KCNK2: variants seen among roughly 807,000 people sequenced by gnomAD.
KCNK2 encodes potassium channel subfamily K member 2.
Under a neutral mutation model 40.5 loss-of-function variants are expected in KCNK2, and 21 were observed. The ratio of observed to expected loss-of-function variants is 0.52; its 90% CI spans 0.37 to 0.75. The LOEUF (loss-of-function observed/expected upper bound fraction) is 0.75, where lower values mean the gene tolerates loss of function less well. Among genes scored for constraint, KCNK2 ranks in the 30% least tolerant of loss-of-function variants. KCNK2 has a pLI of 0.00. For missense variants in KCNK2, 399 were observed against 531.6 expected (o/e 0.75, Z 2.45); for synonymous variants, 191 against 202.2 (o/e 0.94, Z 0.47).
intron 5 of KCNK2, among the ~76,000 whole-genome samples, chr1:215,173,938 G>C (rs1663835424): frequency 6.6e-6 from 1 of 152,092 alleles, no homozygotes; most frequent in South Asian, 2.1e-4. Flanking sequence ...CACTCTGATG[G>C]TAGTTTCTTT....
chr1:215,152,214 GC>G (rs11339709), intron 3 of KCNK2, among the ~76,000 whole-genome samples: 100,678 of 151,940 alleles, frequency 0.66, 35,102 homozygotes, highest in Non-Finnish European at 0.77. Flanking sequence ...GAGCCGTGTG[GC>G]CTCTGAGTAG....
At chr1:215,028,163 G>A (rs1027874081) in intron 1 of KCNK2, among the ~76,000 whole-genome samples, 1 of 152,132 alleles carries the variant, frequency 6.6e-6, no homozygotes, top group Non-Finnish European at 1.5e-5. Context: ...AAGGTGGGTG[G>A]ATCACCTGAG....
At chr1:215,232,781 T>G (rs1450100670) in intron 6 of KCNK2, among the ~76,000 whole-genome samples, 1 of 152,210 alleles carries the variant, frequency 6.6e-6, no homozygotes, top group Non-Finnish European at 1.5e-5. Flanking sequence ...CTTCTGTTCA[T>G]GAAAGACTGG....
At chr1:215,094,700 TG>T (rs1432071941) in intron 2 of KCNK2, among the ~76,000 whole-genome samples, 1 of 152,094 alleles carries the variant, frequency 6.6e-6, no homozygotes, top group Non-Finnish European at 1.5e-5. Flanking sequence ...TTATAAAACA[TG>T]AAAGTAGTCT....
At chr1:215,093,431 C>A (rs1481822508) in intron 2 of KCNK2, among the ~76,000 whole-genome samples, 1 of 123,084 alleles carries the variant, frequency 8.1e-6, no homozygotes, top group Non-Finnish European at 1.6e-5. Context: ...ATATTATGTA[C>A]ATATAATATA....
chr1:215,023,482 A>G (rs1299466152), intron 1 of KCNK2, among the ~76,000 whole-genome samples: 3 of 152,200 alleles, frequency 2.0e-5, no homozygotes, highest in Non-Finnish European at 4.4e-5. Flanking sequence ...AATTACATTA[A>G]AGCAGTTACA....
chr1:215,197,997 T>TCAAA (rs60003108), intron 6 of KCNK2, among the ~76,000 whole-genome samples: 19 of 151,130 alleles, frequency 1.3e-4, no homozygotes, highest in African/African-American at 4.4e-4. Flanking sequence ...AGACTTTGTC[T>TCAAA]CAAACAAACA....
intron 1 of KCNK2, among the ~76,000 whole-genome samples, chr1:215,024,164 A>G (rs543423979): frequency 2.0e-5 from 3 of 152,306 alleles, no homozygotes; most frequent in East Asian, 3.9e-4. Context: ...CTGCACTGAC[A>G]CCTGACACCC....
At chr1:215,102,386 A>T (rs2102552153) in intron 2 of KCNK2, among the ~76,000 whole-genome samples, 1 of 152,176 alleles carries the variant, frequency 6.6e-6, no homozygotes, top group South Asian at 2.1e-4. Flanking sequence ...GAATAAGGAT[A>T]TAAGGAAAGA....
intron 5 of KCNK2, among the ~76,000 whole-genome samples, chr1:215,194,227 A>T (rs1664777595): frequency 6.6e-6 from 1 of 152,174 alleles, no homozygotes; most frequent in Non-Finnish European, 1.5e-5. Flanking sequence ...AGGTACAGTT[A>T]TTGTTCCAAG....
intron 5 of KCNK2, among the ~76,000 whole-genome samples, chr1:215,172,676 A>G (rs1366810508): frequency 1.3e-5 from 2 of 151,918 alleles, no homozygotes; most frequent in Non-Finnish European, 2.9e-5. Flanking sequence ...TTTATTTTTG[A>G]GATAGAGTCT....
At chr1:215,127,605 G>C (rs1203400274) in intron 3 of KCNK2, among the ~76,000 whole-genome samples, 1 of 152,138 alleles carries the variant, frequency 6.6e-6, no homozygotes, top group Admixed American at 6.6e-5. Flanking sequence ...CATGCCAGCA[G>C]CATTGCAGAA....
chr1:215,068,522 A>G (rs1658637469), intron 1 of KCNK2, among the ~76,000 whole-genome samples: 1 of 152,232 alleles, frequency 6.6e-6, no homozygotes, highest in South Asian at 2.1e-4. Context: ...TTCACTCAAC[A>G]AAAAGACACC....
intron 1 of KCNK2, among the ~76,000 whole-genome samples, chr1:215,040,808 A>G (rs1271945213): frequency 6.6e-6 from 1 of 152,162 alleles, no homozygotes; most frequent in African/African-American, 2.4e-5. Flanking sequence ...AGACATGTCA[A>G]ATTCTGAAGA....
intron 2 of KCNK2, among the ~76,000 whole-genome samples, chr1:215,096,022 C>G (rs1420857464): frequency 1.3e-5 from 2 of 152,064 alleles, no homozygotes; most frequent in Non-Finnish European, 2.9e-5. Context: ...GTTGCAAAGA[C>G]ACACTAAATT....
intron 6 of KCNK2, among the ~76,000 whole-genome samples, chr1:215,218,756 G>T (rs1666054517): frequency 6.6e-6 from 1 of 151,890 alleles, no homozygotes. Context: ...TTCAAATTTT[G>T]TAAATTATTA....
chr1:215,150,699 T>A (rs1273538354), intron 3 of KCNK2, among the ~76,000 whole-genome samples: 1 of 152,074 alleles, frequency 6.6e-6, no homozygotes, highest in Non-Finnish European at 1.5e-5. Flanking sequence ...TTTTCCATAT[T>A]TTAATCATGC....
chr1:215,224,902 T>A (rs1177658301), intron 6 of KCNK2, among the ~76,000 whole-genome samples: 2 of 152,146 alleles, frequency 1.3e-5, no homozygotes, highest in Non-Finnish European at 2.9e-5. Flanking sequence ...GAGAAATTCC[T>A]AGGGGCAATT....
chr1:215,114,535 G>A (rs1328503324), intron 2 of KCNK2, among the ~76,000 whole-genome samples: 2 of 152,166 alleles, frequency 1.3e-5, no homozygotes, highest in African/African-American at 2.4e-5. Context: ...TATAACTGGT[G>A]AGTGTATGGG....
Sources: allele counts gnomAD v4.1 joint callset (sites outside exome capture counted in the v4.1 genomes callset), GRCh38; gene constraint gnomAD v4.1.1; transcripts MANE v1.5; gene names NCBI Gene and HGNC (gene_info 2026-07-23, HGNC 2026-07-21).